MRPS27: variants seen among roughly 807,000 people sequenced by gnomAD.
MRPS27 encodes the protein small ribosomal subunit protein mS27.
In MRPS27, 43 loss-of-function variants were observed where a neutral mutation model predicts 48.9. That is an observed-to-expected ratio of 0.88 (90% CI 0.69 to 1.13). The LOEUF is 1.13. Among genes scored for constraint, MRPS27 ranks in the 50% most tolerant of loss-of-function variants. The pLI, the probability that MRPS27 is intolerant of heterozygous loss-of-function variation, is 0.00. For missense variants in MRPS27, 467 were observed against 476.3 expected (o/e 0.98, Z 0.18); for synonymous variants, 188 against 171.9 (o/e 1.09, Z -0.73).
chr5:72,292,478 C>A (rs990169870), intron 4 of MRPS27, among the ~76,000 whole-genome samples: 3 of 152,070 alleles, frequency 2.0e-5, no homozygotes, highest in African/African-American at 7.2e-5. Flanking sequence ...ATGTTGAAGT[C>A]CCTAAACATT....
intron 4 of MRPS27, among the ~76,000 whole-genome samples, chr5:72,249,747 C>T (rs1019473388): frequency 6.7e-6 from 1 of 149,886 alleles, no homozygotes; most frequent in African/African-American, 2.5e-5. Context: ...TTTGGGAGGC[C>T]GAGGCGGGTG....
intron 4 of MRPS27, among the ~76,000 whole-genome samples, chr5:72,279,897 G>A (rs1310348041): frequency 6.6e-6 from 1 of 152,058 alleles, no homozygotes; most frequent in African/African-American, 2.4e-5. Flanking sequence ...AAATGTGTGT[G>A]AGTATGTTCA....
At chr5:72,314,008 T>TTA in intron 2 of MRPS27, 73 bp downstream of exon 2, 2 of 1,062,660 alleles carry the variant, frequency 1.9e-6, no homozygotes, top group Non-Finnish European at 2.9e-6. Flanking sequence ...CATATATACG[T>TTA]TATATGAATA....
chr5:72,311,860 C>T (rs1354631652), intron 2 of MRPS27, among the ~76,000 whole-genome samples: 1 of 152,174 alleles, frequency 6.6e-6, no homozygotes, highest in African/African-American at 2.4e-5. Flanking sequence ...CCGCTGGGCG[C>T]GGTGGCTCAA....
chr5:72,237,323 T>C (rs1025315808), intron 5 of MRPS27, among the ~76,000 whole-genome samples: 1 of 152,104 alleles, frequency 6.6e-6, no homozygotes, highest in African/African-American at 2.4e-5. Flanking sequence ...GTATATAATA[T>C]ATATTAAGTT....
intron 7 of MRPS27, chr5:72,228,864 A>G (rs1747971397): frequency 6.6e-6 from 1 of 152,386 alleles, no homozygotes; most frequent in South Asian, 2.1e-4. Context: ...AAATACCACT[A>G]TTAAATTGCT....
chr5:72,254,326 C>T lies in MRPS27; in HGVS notation c.282-16198G>A, dbSNP rs573623987. ...AAAACCTAGGAAACTAGGGAGCATACATCATGCCATAGCCTAGCTTCCTGG... is the reference window on the plus strand; with the variant it reads ...AAAACCTAGGAAACTAGGGAGCATATATCATGCCATAGCCTAGCTTCCTGG... On this transcript the variant is annotated intron_variant, in intron 4 of 10. Coordinates refer to ENST00000261413, the MANE Select transcript of MRPS27 (RefSeq NM_015084.3). Among the ~76,000 whole-genome samples, 6 of 152,242 alleles carry T rather than the reference C, an allele frequency of 3.9e-5. No homozygotes were observed. The East Asian group carries it at 1.2e-3, about 29-fold the overall frequency.
intron 8 of MRPS27, 82 bp from the exon 9 acceptor site, chr5:72,226,281 A>G (rs770726014): frequency 6.5e-7 from 1 of 1,531,696 alleles, no homozygotes; most frequent in Non-Finnish European, 9.0e-7. Flanking sequence ...GGCCCAAGTG[A>G]ATGTTCACCT....
intron 1 of MRPS27, among the ~76,000 whole-genome samples, chr5:72,317,029 CAA>C (rs1188354136): frequency 5.8e-5 from 4 of 68,870 alleles, no homozygotes; most frequent in Admixed American, 1.6e-4. Flanking sequence ...AACTCCGTCT[CAA>C]AAAAAAAAAA....
At chr5:72,242,428 G>GAAAAAAA (rs750987632) in intron 4 of MRPS27, among the ~76,000 whole-genome samples, 1 of 120,772 alleles carries the variant, frequency 8.3e-6, no homozygotes, top group Admixed American at 9.0e-5. Context: ...GATCAAGAGT[G>GAAAAAAA]AAAAAAAAAA....
chr5:72,253,642 T>A (rs568557980), intron 4 of MRPS27, among the ~76,000 whole-genome samples: 198 of 152,298 alleles, frequency 1.3e-3, no homozygotes, highest in Non-Finnish European at 2.3e-3. Flanking sequence ...CTCTGTTTAA[T>A]CTAAAATATT....
rs564639624 is a variant in MRPS27, at chr5:72,312,708, C to T, written c.151+1373G>A. On this transcript the variant is annotated intron_variant, in intron 2 of 10. Coordinates refer to ENST00000261413, the MANE Select transcript of MRPS27 (RefSeq NM_015084.3). ...AGATCTCGGCTCACTGCAACCTCTG[C>T]CTCCCGGGTTCAAGCGATTCTCCTG... Among the ~76,000 whole-genome samples the T allele has an allele frequency of 2.7e-5, 4 of 150,942 alleles. No individual in the cohort carries two copies. The South Asian group carries it at 6.3e-4, about 24-fold the overall frequency.
intron 2 of MRPS27, among the ~76,000 whole-genome samples, chr5:72,309,528 G>A (rs1264891318): frequency 1.3e-5 from 2 of 152,036 alleles, no homozygotes; most frequent in East Asian, 1.9e-4. Context: ...CAAAGTGCTG[G>A]GATTATAGGC....
In MRPS27 at chr5:72,241,961, C is replaced by T. The variant is rs541470453; in HGVS notation, c.282-3833G>A. On this transcript the variant is annotated intron_variant, in intron 4 of 10. Transcript: ENST00000261413. ...ACAAATACAACCCAAATATCCCCAA[C>T]AAGGTTGTGCTCATGAAGGCTAAAG... 5.3e-5 allele frequency among the ~76,000 whole-genome samples: 8 copies of T among 152,298 alleles called. No homozygotes were observed. The South Asian group carries it at 8.3e-4, about 16-fold the overall frequency.
intron 4 of MRPS27, among the ~76,000 whole-genome samples, chr5:72,242,706 A>ACACACACACACACACACT (rs1393997554): frequency 1.5e-5 from 2 of 137,226 alleles, no homozygotes; most frequent in Non-Finnish European, 3.2e-5. Flanking sequence ...ACACACACAC[A>ACACACACACACACACACT]CTCACGGCAC....
Position 72,219,424 on chromosome 5 carries a change from T to C in MRPS27, c.*1485A>G, listed in dbSNP as rs537593858. The C allele has an allele frequency of 6.6e-6, 1 of 152,272 alleles. No homozygotes were observed. The highest frequency in any genetic ancestry group is 1.9e-4 in the East Asian group (1 of 5,188). The allele number at this position is 152,272 out of a possible 1,614,324, so 9.4% of individuals were successfully genotyped here. On this transcript the variant is annotated 3_prime_UTR_variant, in exon 11 of 11. Transcript: ENST00000261413. Reference sequence around the variant, plus strand: ...GTTATCATTATTACAATAAATCCCATAGTTTAATGGGGGAGGGTTTAAAGT... The same window carrying C: ...GTTATCATTATTACAATAAATCCCACAGTTTAATGGGGGAGGGTTTAAAGT...
At chr5:72,244,420 T>C (rs1028513877) in intron 4 of MRPS27, among the ~76,000 whole-genome samples, 1 of 152,184 alleles carries the variant, frequency 6.6e-6, no homozygotes, top group Non-Finnish European at 1.5e-5. Context: ...AAATATGACA[T>C]ACTAGAAACT....
chr5:72,261,256 T>C (rs1201592306), intron 4 of MRPS27, among the ~76,000 whole-genome samples: 2 of 152,086 alleles, frequency 1.3e-5, no homozygotes. Context: ...TGTATGTATG[T>C]ATGTATGTAT....
rs564662478 is a variant in MRPS27, at chr5:72,275,786, G to A, written c.281+19745C>T. On this transcript the variant is annotated intron_variant, in intron 4 of 10. Coordinates refer to ENST00000261413, the MANE Select transcript of MRPS27 (RefSeq NM_015084.3). ...TTTCCCCACTGGCCGGGGTTGGGCC[G>A]TACAATTTAAACTAATCCCGGTTGG... 1.4e-4 allele frequency among the ~76,000 whole-genome samples: 21 copies of A among 152,084 alleles called. No individual in the cohort carries two copies. In the East Asian group the frequency reaches 1.5e-3, roughly 11 times the overall value.
Sources: allele counts gnomAD v4.1 joint callset (sites outside exome capture counted in the v4.1 genomes callset), GRCh38; gene constraint gnomAD v4.1.1; transcripts MANE v1.5; gene names NCBI Gene and HGNC (gene_info 2026-07-23, HGNC 2026-07-21).